Variants in NOS2 observed in about 807,000 individuals in gnomAD.
NOS2 encodes nitric oxide synthase, inducible.
In NOS2, 96 loss-of-function variants were observed where a neutral mutation model predicts 136.0. The ratio of observed to expected loss-of-function variants is 0.71; its 90% CI spans 0.60 to 0.84. NOS2 has a LOEUF of 0.84. Ranked by LOEUF, NOS2 falls within the 40% of genes least tolerant of loss-of-function variation. The pLI, the probability that NOS2 is intolerant of heterozygous loss-of-function variation, is 0.00. For synonymous variants in NOS2, 539 were observed against 587.5 expected (o/e 0.92, Z 1.20); for missense variants, 1,237 against 1,496.9 (o/e 0.83, Z 2.87).
chr17:27,798,077 C>T (rs1461907890), intron 2 of NOS2, among the ~76,000 whole-genome samples: 1 of 152,132 alleles, frequency 6.6e-6, no homozygotes, highest in Non-Finnish European at 1.5e-5. Flanking sequence ...GACTAAGTGT[C>T]TGTTCTGTGT....
Position 27,788,822 on chromosome 17 carries a change from T to A in NOS2, c.305A>T (p.His102Leu). Residue 102 changes from histidine (H) to leucine (L), a missense_variant, in exon 4 of 27, where the codon CAT becomes CTT. His to Leu is a moderately conservative substitution (Grantham distance 99). Transcript: ENST00000313735. ...SGMTFQDTLHHKAKGILTCRS... is the reference protein window; with the variant it reads ...SGMTFQDTLHLKAKGILTCRS... Reference sequence around the variant, plus strand: ...CCCCAGACTTACCCCTTTGGCCTTATGGTGAAGTGTGTCTTGGAAAGTCAT... The same window carrying A: ...CCCCAGACTTACCCCTTTGGCCTTAAGGTGAAGTGTGTCTTGGAAAGTCAT... 1 of 1,614,014 alleles carries A rather than the reference T, an allele frequency of 6.2e-7. No homozygotes were observed. The highest frequency in any genetic ancestry group is 8.5e-7 in the Non-Finnish European group (1 of 1,179,948).
At chr17:27,785,437 T>C (rs1461074547) in intron 5 of NOS2, among the ~76,000 whole-genome samples, 1 of 152,170 alleles carries the variant, frequency 6.6e-6, no homozygotes, top group Non-Finnish European at 1.5e-5. Context: ...ATCCAGGCTG[T>C]GCATTAGAAT....
rs759469543 is a variant in NOS2, at chr17:27,798,684, C to T, written c.110+16G>A. On this transcript the variant is annotated intron_variant, in intron 2 of 26. Transcript: ENST00000313735. ...CCCAAGGAGACAAGCAGGAGGTTCC[C>T]CCAGGGAAAACTCACCTGGAGGTGG... The T allele has an allele frequency of 4.5e-6, 7 of 1,553,038 alleles. No individual in the cohort carries two copies. The highest frequency in any genetic ancestry group is 1.4e-5 in the African/African-American group (1 of 73,836).
At chr17:27,768,604 G>A (rs1225490983) in intron 17 of NOS2, among the ~76,000 whole-genome samples, 2 of 152,218 alleles carry the variant, frequency 1.3e-5, no homozygotes, top group Non-Finnish European at 2.9e-5. Flanking sequence ...GATCCAAAGT[G>A]GATCCGCCAT....
chr17:27,774,500 G>T (rs200370785), intron 11 of NOS2, 49 bp from the exon 12 acceptor site: 4 of 1,366,340 alleles, frequency 2.9e-6, no homozygotes, highest in Non-Finnish European at 2.9e-6. Flanking sequence ...GGGGGAATCA[G>T]GAGAGGGGCC....
chr17:27,796,814 C>G (rs1909368725), intron 2 of NOS2, among the ~76,000 whole-genome samples: 2 of 152,120 alleles, frequency 1.3e-5, no homozygotes, highest in African/African-American at 4.8e-5. Flanking sequence ...AGCCACTGCC[C>G]CTCTACAGCC....
chr17:27,788,733 C>A, intron 4 of NOS2, 76 bp downstream of exon 4: 2 of 1,546,356 alleles, frequency 1.3e-6, no homozygotes, highest in Non-Finnish European at 1.8e-6. Context: ...CAGGGGGACA[C>A]CTGTTTGATC....
intron 5 of NOS2, among the ~76,000 whole-genome samples, chr17:27,784,549 G>A (rs535724251): frequency 2.6e-5 from 4 of 152,232 alleles, no homozygotes; most frequent in South Asian, 2.1e-4. Context: ...TGGTCAGCAC[G>A]TGCATATGCA....
chr17:27,778,034 CAA>C (rs369096836), intron 11 of NOS2, among the ~76,000 whole-genome samples: 11 of 117,384 alleles, frequency 9.4e-5, no homozygotes, highest in East Asian at 2.3e-4. Flanking sequence ...GATGATGTCT[CAA>C]AAAAAAAAAA....
chr17:27,761,915 C>A (rs1176601597), intron 22 of NOS2, among the ~76,000 whole-genome samples: 1 of 152,198 alleles, frequency 6.6e-6, no homozygotes, highest in Non-Finnish European at 1.5e-5. Context: ...CCTCTCCTCT[C>A]CTGGTCTGGG....
chr17:27,760,741 G>C lies in NOS2; in HGVS notation c.2892C>G (p.Ala964=), dbSNP rs28944200. ...GATCCTCGGGGAGGTGGAAGCCGCT[G>C]GCACTGAAGAGGACAGGAGAAGAGG... ...QDPVPCFVRN[A]SGFHLPEDPS... The change falls in exon 24 of 27, where the codon GCC becomes GCG. Residue 964 remains alanine (A), a synonymous_variant. Coordinates refer to ENST00000313735, the MANE Select transcript of NOS2 (RefSeq NM_000625.4). 601 of 1,549,692 alleles carry C rather than the reference G, an allele frequency of 3.9e-4. 5 individuals carry two copies. In the African/African-American group the frequency reaches 6.5e-3, roughly 17 times the overall value.
intron 23 of NOS2, 65 bp from the exon 24 acceptor site, chr17:27,760,809 G>A (rs1908100133): frequency 6.6e-7 from 1 of 1,506,370 alleles, no homozygotes; most frequent in African/African-American, 1.4e-5. Context: ...CACACAGGAT[G>A]GCTGGGGAGC....
chr17:27,780,695 G>C, intron 9 of NOS2, 72 bp downstream of exon 9: 1 of 1,603,344 alleles, frequency 6.2e-7, no homozygotes, highest in Non-Finnish European at 8.5e-7. Flanking sequence ...GGGAAGGCTG[G>C]AGCCGCACTT....
At chr17:27,788,061 G>A (rs538447420) in intron 4 of NOS2, among the ~76,000 whole-genome samples, 374 of 152,202 alleles carry the variant, frequency 2.5e-3, no homozygotes, top group Non-Finnish European at 4.7e-3. Context: ...TCCCTACTCC[G>A]GACTCAGTCT....
intron 1 of NOS2, among the ~76,000 whole-genome samples, chr17:27,799,453 C>T (rs1321821371): frequency 6.6e-6 from 1 of 152,198 alleles, no homozygotes; most frequent in East Asian, 1.9e-4. Context: ...GCACTCATCC[C>T]TCGAAATCTG....
intron 18 of NOS2, among the ~76,000 whole-genome samples, chr17:27,767,479 C>T (rs1194481760): frequency 1.3e-5 from 2 of 152,268 alleles, no homozygotes; most frequent in East Asian, 1.9e-4. Flanking sequence ...AGGCCCTTGG[C>T]GGATGCTGAT....
chr17:27,767,278 C>T (rs576647551), intron 18 of NOS2, among the ~76,000 whole-genome samples: 1 of 152,340 alleles, frequency 6.6e-6, no homozygotes, highest in East Asian at 1.9e-4. Flanking sequence ...TCTGTGACAC[C>T]TTCTCTACGA....
At chr17:27,778,857 T>C in intron 10 of NOS2, 25 bp downstream of exon 10, 8 of 1,610,966 alleles carry the variant, frequency 5.0e-6, no homozygotes, top group Non-Finnish European at 6.8e-6. Context: ...CACCTTCATC[T>C]GGCCAGCTGG....
intron 24 of NOS2, 46 bp downstream of exon 24, chr17:27,760,577 G>C: frequency 6.4e-7 from 1 of 1,550,666 alleles, no homozygotes. Context: ...CTAGGCAGGC[G>C]CTGGCCCCCT....
Sources: gnomAD v4.1 joint callset for allele counts (sites outside exome capture counted in the v4.1 genomes callset) on GRCh38, gnomAD v4.1.1 for gene constraint, MANE v1.5 for transcripts, NCBI Gene and HGNC (gene_info 2026-07-23, HGNC 2026-07-21) for gene names.